CEACAM1: variants seen among roughly 807,000 people sequenced by gnomAD.
CEACAM1 encodes the protein CEA cell adhesion molecule 1.
In CEACAM1, 31 loss-of-function variants were observed where a neutral mutation model predicts 49.1. The ratio of observed to expected loss-of-function variants is 0.63; its 90% confidence interval spans 0.47 to 0.85. CEACAM1 has a LOEUF of 0.85. CEACAM1 is among the 40% of genes least tolerant of loss of function. The probability of loss-of-function intolerance (pLI) is 0.00; values close to 1 mark genes in which losing one functional copy is unlikely to be tolerated. For missense variants in CEACAM1, 570 were observed against 645.3 expected, an observed-to-expected ratio of 0.88 and a Z score of 1.26; for synonymous variants, 244 against 247.8, an observed-to-expected ratio of 0.98 and a Z score of 0.14.
Position 42,522,107 on chromosome 19 carries a change from T to C in CEACAM1, c.520A>G (p.Thr174Ala), listed in dbSNP as rs1314961085. ...TTGTTTATCCACCACAGGTAGGTTGTGTCCTGAGTCTCAGGTTCACAGGTG... is the reference window on the plus strand; with the variant it reads ...TTGTTTATCCACCACAGGTAGGTTGCGTCCTGAGTCTCAGGTTCACAGGTG... ...AFTCEPETQD[T>A]TYLWWINNQS... The change falls in exon 3 of 9, where the codon ACA becomes GCA. Residue 174 changes from threonine (T) to alanine (A), a missense_variant. Thr to Ala is a moderately conservative substitution (Grantham distance 58). Transcript: ENST00000161559. 3 of 1,614,198 alleles carry C rather than the reference T, an allele frequency of 1.9e-6. No homozygotes were observed. The highest frequency in any genetic ancestry group is 2.2e-5 in the East Asian group (1 of 44,884).
At chr19:42,509,696 G>A (rs1181346681) in intron 8 of CEACAM1, among the ~76,000 whole-genome samples, 1 of 151,786 alleles carries the variant, frequency 6.6e-6, no homozygotes, top group Non-Finnish European at 1.5e-5. Flanking sequence ...GCACGATCTC[G>A]GCTCACTGCA....
intron 5 of CEACAM1, among the ~76,000 whole-genome samples, chr19:42,512,764 G>A (rs895649363): frequency 4.0e-5 from 6 of 149,784 alleles, no homozygotes; most frequent in South Asian, 2.1e-4. Context: ...TGCAACCTCC[G>A]CCTCCCAGGT....
chr19:42,518,725 C>A lies in CEACAM1; in HGVS notation c.1246+223G>T, dbSNP rs538821336. 3 of 559,454 alleles carry A rather than the reference C, an allele frequency of 5.4e-6. No homozygotes were observed. The South Asian group carries it at 6.0e-5, about 11-fold the overall frequency. The allele number at this position is 559,454 out of a possible 1,614,324, so 34.7% of individuals were successfully genotyped here. Reference sequence around the variant, plus strand: ...CCATATTAGCCAGGATGGTCTCGATCTCCTGCCCTCGTGATCCGCCCGCCT... The same window carrying A: ...CCATATTAGCCAGGATGGTCTCGATATCCTGCCCTCGTGATCCGCCCGCCT... On this transcript the variant is annotated intron_variant, in intron 5 of 8. Transcript: ENST00000161559.
chr19:42,511,497 G>T, intron 7 of CEACAM1, 79 bp downstream of exon 7: 1 of 1,172,294 alleles, frequency 8.5e-7, no homozygotes, highest in Non-Finnish European at 1.3e-6. Context: ...GGAGTGGTTT[G>T]GGAATCCAGG....
chr19:42,520,014 C>T (rs2041704093), intron 4 of CEACAM1, among the ~76,000 whole-genome samples: 1 of 152,186 alleles, frequency 6.6e-6, no homozygotes, highest in Non-Finnish European at 1.5e-5. Flanking sequence ...ACCTTACTAT[C>T]TGGAGTTCCA....
rs1357993703 is a variant in CEACAM1 at position 42,519,057 on chromosome 19, G to A, written c.1137C>T (p.Thr379=). ...SERMKLSQGN[T]TLSINPVKRE... ...TCTTGACAGGGTTTATGCTGAGGGT[G>A]GTGTTGCCCTGGGACAGCTTCATCC... The change falls in exon 5 of 9, where the codon ACC becomes ACT. Residue 379 remains threonine (T), a synonymous_variant. Coordinates refer to ENST00000161559, the MANE Select transcript of CEACAM1 (RefSeq NM_001712.5). The A allele has an allele frequency of 2.5e-6, 4 of 1,614,066 alleles. No individual in the cohort carries two copies. The highest frequency in any genetic ancestry group is 3.4e-6 in the Non-Finnish European group (4 of 1,180,038).
rs202212637 is a variant in CEACAM1 at position 42,519,174 on chromosome 19, A to C, written c.1020T>G (p.Asp340Glu). The C allele has an allele frequency of 6.2e-7, 1 of 1,614,058 alleles. No homozygotes were observed. Among genetic ancestry groups the C allele is most frequent in the African/African-American group, 1.3e-5 (1 of 75,040 alleles). The change falls in exon 5 of 9, where the codon GAT becomes GAG. Residue 340 changes from aspartate to glutamate, a missense_variant. Physicochemically the swap from Asp to Glu is conservative, Grantham distance 45. Coordinates refer to ENST00000161559, the MANE Select transcript of CEACAM1 (RefSeq NM_001712.5). ...IKASKTTVTG[D>E]KDSVNLTCST... Reference sequence around the variant, plus strand: ...AGCAGGTCAGGTTCACAGAGTCCTTATCTCCTGTGACTGTGGTCTTGCTGG... The same window carrying C: ...AGCAGGTCAGGTTCACAGAGTCCTTCTCTCCTGTGACTGTGGTCTTGCTGG...
chr19:42,511,266 A>G, intron 7 of CEACAM1: 1 of 569,452 alleles, frequency 1.8e-6, no homozygotes. Context: ...ACCAAGGGAG[A>G]GTGCCCACAT....
In CEACAM1 at chr19:42,519,153, G is replaced by A. The variant is rs762102979; in HGVS notation, c.1041C>T (p.Thr347=). Residue 347 remains threonine, a synonymous_variant, in exon 5 of 9, where the codon ACC becomes ACT. Transcript: ENST00000161559. ...VTGDKDSVNL[T]CSTNDTGISI... is the part of the protein sequence containing the mutation. ...AGATTCCAGTGTCATTTGTGGAGCA[G>A]GTCAGGTTCACAGAGTCCTTATCTC... is the stretch of plus-strand genomic sequence containing the variant. The A allele has an allele frequency of 1.9e-6, 3 of 1,614,194 alleles. No homozygotes were observed. Among genetic ancestry groups the A allele is most frequent in the South Asian group, 2.2e-5 (2 of 91,090 alleles).
chr19:42,521,447 A>G lies in CEACAM1; in HGVS notation c.778T>C (p.Tyr260His), dbSNP rs749024879. 4 of 1,614,236 alleles carry G rather than the reference A, an allele frequency of 2.5e-6. No individual in the cohort carries two copies. The highest frequency in any genetic ancestry group is 2.5e-6 in the Non-Finnish European group (3 of 1,180,048). The change falls in exon 4 of 9, where the codon TAT becomes CAT. Residue 260 changes from tyrosine to histidine, a missense_variant. Tyr to His is a moderately conservative substitution (Grantham distance 83). Coordinates refer to ENST00000161559, the MANE Select transcript of CEACAM1 (RefSeq NM_001712.5). ...RPGANLSLSC[Y>H]AASNPPAQYS... is the part of the protein sequence containing the mutation. ...TGTGCAGGTGGGTTAGAGGCTGCAT[A>G]GCAGGAGAGGCTGAGGTTTGCCCCT... is the stretch of plus-strand genomic sequence containing the variant.
chr19:42,514,303 G>A lies in CEACAM1; in HGVS notation c.1247-1824C>T, dbSNP rs550725026. The stretch of plus-strand genomic sequence containing the variant: ...TGCGCCACCACGCCTGGCTAATTTT[G>A]TATTTTTAGTAGAGACGGGGTTTCT... On this transcript the variant is annotated intron_variant, in intron 5 of 8. Transcript: ENST00000161559. Among the ~76,000 whole-genome samples the A allele has an allele frequency of 1.5e-3, 232 of 151,912 alleles. 1 individual carries two copies. Among genetic ancestry groups the A allele is most frequent in the Non-Finnish European group, 2.4e-3 (161 of 67,948 alleles).
At chr19:42,516,721 C>G (rs1002846600) in intron 5 of CEACAM1, 4 of 202,952 alleles carry the variant, frequency 2.0e-5, no homozygotes, top group Admixed American at 1.2e-4. Flanking sequence ...AGTTGAAGGG[C>G]TCACACTTCC....
At chr19:42,511,182 C>G (rs1186702755) in intron 7 of CEACAM1, 6 of 581,770 alleles carry the variant, frequency 1.0e-5, no homozygotes, top group Non-Finnish European at 1.8e-5. Flanking sequence ...TGTTTCTCAG[C>G]AACATGCTCC....
intron 5 of CEACAM1, among the ~76,000 whole-genome samples, chr19:42,517,868 A>G (rs2041637399): frequency 1.3e-5 from 2 of 152,230 alleles, no homozygotes; most frequent in Admixed American, 1.3e-4. Flanking sequence ...TTGAACAGAT[A>G]TTTGTATACC....
rs2147816814 is a variant in CEACAM1 at position 42,528,473 on chromosome 19, C to A, written c.-99G>T. ...TCTGTCACCTCTGCTGTTTTCCACTCTCTGTGCTGAGCCTCCTCCCTGGGG... is the reference window on the plus strand; with the variant it reads ...TCTGTCACCTCTGCTGTTTTCCACTATCTGTGCTGAGCCTCCTCCCTGGGG... On this transcript the variant is annotated 5_prime_UTR_variant, in exon 1 of 9. Transcript: ENST00000161559. 1 of 1,188,154 alleles carries A rather than the reference C, an allele frequency of 8.4e-7. No individual in the cohort carries two copies. The highest frequency in any genetic ancestry group is 2.5e-5 in the East Asian group (1 of 40,482). 73.6% of individuals were successfully genotyped at this position (1,188,154 alleles called of 1,614,324 possible).
Position 42,521,508 on chromosome 19 carries a change from G to A in CEACAM1, c.717C>T (p.Thr239=). Reference sequence around the variant, plus strand: ...AGGTGTCTGAAGGGGAAATGGTGGGGGTGTCCGGGCCATCTGGAGCAAAGA... The same window carrying A: ...AGGTGTCTGAAGGGGAAATGGTGGGAGTGTCCGGGCCATCTGGAGCAAAGA... ...VTLNVTYGPD[T]PTISPSDTYY... Residue 239 remains threonine (T), a synonymous_variant, in exon 4 of 9, where the codon ACC becomes ACT. Coordinates refer to ENST00000161559, the MANE Select transcript of CEACAM1 (RefSeq NM_001712.5). The A allele has an allele frequency of 1.2e-6, 2 of 1,613,922 alleles. No homozygotes were observed. Among genetic ancestry groups the A allele is most frequent in the South Asian group, 1.1e-5 (1 of 91,066 alleles).
intron 5 of CEACAM1, chr19:42,515,047 T>C (rs2041564673): frequency 3.0e-6 from 2 of 675,104 alleles, no homozygotes; most frequent in African/African-American, 1.8e-5. Flanking sequence ...GATGGGAGGA[T>C]TGCTTGAGCC....
At chr19:42,512,840 A>AT (rs916685551) in intron 5 of CEACAM1, among the ~76,000 whole-genome samples, 4 of 151,648 alleles carry the variant, frequency 2.6e-5, no homozygotes, top group African/African-American at 4.8e-5. Flanking sequence ...TAATTTCTGT[A>AT]TTTTTTTAGT....
intron 6 of CEACAM1, 149 bp downstream of exon 6, chr19:42,512,201 G>T: frequency 1.2e-6 from 1 of 842,388 alleles, no homozygotes; most frequent in South Asian, 1.7e-5. Flanking sequence ...CCAGGGAAGA[G>T]GAAACCTGTG....
Sources: allele counts gnomAD v4.1 joint callset (sites outside exome capture counted in the v4.1 genomes callset), GRCh38; gene constraint gnomAD v4.1.1; transcripts MANE v1.5; gene names NCBI Gene and HGNC (gene_info 2026-07-23, HGNC 2026-07-21).